The following SH3GL2 variants were observed in gnomAD, a reference collection of about 807,000 sequenced individuals.
The protein encoded by SH3GL2 is endophilin-A1.
Under a neutral mutation model 46.0 loss-of-function variants are expected in SH3GL2, and 24 were observed. The ratio of observed to expected loss-of-function variants is 0.52; its 90% CI spans 0.38 to 0.73. The LOEUF (loss-of-function observed/expected upper bound fraction) is 0.73, where lower values mean the gene tolerates loss of function less well. Ranked by LOEUF, SH3GL2 falls within the 30% of genes least tolerant of loss-of-function variation. The pLI, the probability that SH3GL2 is intolerant of heterozygous loss-of-function variation, is 0.00. For synonymous variants in SH3GL2, 196 were observed against 147.1 expected (o/e 1.33, Z -2.40); for missense variants, 413 against 424.2 (o/e 0.97, Z 0.23).
intron 1 of SH3GL2, among the ~76,000 whole-genome samples, chr9:17,731,455 G>T (rs1402415803): frequency 2.0e-5 from 3 of 150,666 alleles, no homozygotes; most frequent in Admixed American, 2.0e-4. Context: ...GAGAGAGACA[G>T]ACAGAGAGAG....
At chr9:17,656,923 A>T (rs1032089932) in intron 1 of SH3GL2, among the ~76,000 whole-genome samples, 3 of 152,188 alleles carry the variant, frequency 2.0e-5, no homozygotes, top group African/African-American at 7.2e-5. Flanking sequence ...AGTGAAGATT[A>T]AAAAAGTGAT....
chr9:17,708,619 G>A (rs1821537517), intron 1 of SH3GL2, among the ~76,000 whole-genome samples: 2 of 151,932 alleles, frequency 1.3e-5, no homozygotes, highest in African/African-American at 4.8e-5. Context: ...CTGGTCAGGT[G>A]TCTCTAGTGG....
chr9:17,651,314 T>G (rs1819953459), intron 1 of SH3GL2, among the ~76,000 whole-genome samples: 1 of 152,196 alleles, frequency 6.6e-6, no homozygotes, highest in African/African-American at 2.4e-5. Context: ...TTTGACATCT[T>G]TAAAATGTTG....
Position 17,789,456 on chromosome 9 carries a change from A to G in SH3GL2, c.530A>G (p.Lys177Arg). The G allele has an allele frequency of 1.9e-6, 3 of 1,613,594 alleles. No homozygotes were observed. The highest frequency in any genetic ancestry group is 2.2e-5 in the South Asian group (2 of 91,070). ...DFDYKKKRQGKIPDEELRQAL... is the reference protein window; with the variant it reads ...DFDYKKKRQGRIPDEELRQAL... Reference sequence around the variant, plus strand: ...GATTATAAGAAGAAACGACAAGGCAAGATTCCGGATGAAGAGCTTCGTCAA... The same window carrying G: ...GATTATAAGAAGAAACGACAAGGCAGGATTCCGGATGAAGAGCTTCGTCAA... The change falls in exon 6 of 9, where the codon AAG (lysine) becomes AGG (arginine). Residue 177 changes from lysine (K) to arginine (R), a missense_variant. This residue lies in a region of SH3GL2 where 248 missense variants were observed against 215.0 expected (regional missense o/e 1.15). Coordinates refer to ENST00000380607, the MANE Select transcript of SH3GL2 (RefSeq NM_003026.5).
intron 1 of SH3GL2, among the ~76,000 whole-genome samples, chr9:17,714,212 C>A (rs1418522952): frequency 6.6e-6 from 1 of 151,574 alleles, no homozygotes; most frequent in Non-Finnish European, 1.5e-5. Context: ...TTTTTCCATT[C>A]TATTACCTTT....
chr9:17,792,563 C>G (rs902543242), intron 7 of SH3GL2, among the ~76,000 whole-genome samples: 1 of 152,088 alleles, frequency 6.6e-6, no homozygotes, highest in South Asian at 2.1e-4. Context: ...TTTGTCTTCC[C>G]TCTTTCCTTT....
At chr9:17,631,513 T>C (rs949536546) in intron 1 of SH3GL2, among the ~76,000 whole-genome samples, 2 of 152,164 alleles carry the variant, frequency 1.3e-5, no homozygotes, top group African/African-American at 4.8e-5. Flanking sequence ...ATGGAAAATA[T>C]AAGGACTCAA....
chr9:17,686,801 A>AG (rs1459540554), intron 1 of SH3GL2, among the ~76,000 whole-genome samples: 25 of 73,312 alleles, frequency 3.4e-4, no homozygotes, highest in African/African-American at 1.3e-3. Context: ...GGGTGGGGGG[A>AG]GGGGGGAGGG....
intron 1 of SH3GL2, among the ~76,000 whole-genome samples, chr9:17,602,364 G>T (rs943256278): frequency 6.6e-6 from 1 of 152,192 alleles, no homozygotes; most frequent in Admixed American, 6.5e-5. Flanking sequence ...TCAGTTCATT[G>T]TCAGTTTAAT....
At position 17,787,459 on chromosome 9, in the gene SH3GL2, G is replaced by A; in HGVS notation, c.411G>A (p.Gln137=). Residue 137 remains glutamine, a synonymous_variant, in exon 5 of 9, where the codon CAG becomes CAA. Transcript: ENST00000380607. ...VKDSLDIEVK[Q]NFIDPLQNLH... is the part of the protein sequence containing the mutation. The stretch of plus-strand genomic sequence containing the variant: ...ACTCTTTGGACATAGAAGTGAAGCA[G>A]AACTTCATTGACCCTCTTCAGAATC... The A allele has an allele frequency of 6.2e-7, 1 of 1,612,488 alleles. No individual in the cohort carries two copies. The highest frequency in any genetic ancestry group is 8.5e-7 in the Non-Finnish European group (1 of 1,178,624).
At chr9:17,683,688 A>C (rs1232933507) in intron 1 of SH3GL2, among the ~76,000 whole-genome samples, 1 of 152,090 alleles carries the variant, frequency 6.6e-6, no homozygotes, top group Non-Finnish European at 1.5e-5. Context: ...GCTCAGAGTA[A>C]GAAATGCTGA....
intron 2 of SH3GL2, among the ~76,000 whole-genome samples, chr9:17,758,250 T>C (rs998565118): frequency 2.0e-5 from 3 of 152,018 alleles, no homozygotes; most frequent in African/African-American, 7.2e-5. Flanking sequence ...ATGAAGTCTA[T>C]CAAGTAATTA....
At chr9:17,722,580 G>A (rs1408899818) in intron 1 of SH3GL2, among the ~76,000 whole-genome samples, 2 of 151,752 alleles carry the variant, frequency 1.3e-5, no homozygotes, top group African/African-American at 2.4e-5. Context: ...CAGTGTGCAG[G>A]TTAGTTACAT....
chr9:17,651,065 T>C (rs140926256), intron 1 of SH3GL2, among the ~76,000 whole-genome samples: 22 of 152,270 alleles, frequency 1.4e-4, no homozygotes, highest in African/African-American at 5.3e-4. Flanking sequence ...CTATTTTGTT[T>C]CTTGGCTTTG....
chr9:17,734,341 G>A (rs554228010), intron 1 of SH3GL2, among the ~76,000 whole-genome samples: 1 of 152,082 alleles, frequency 6.6e-6, no homozygotes, highest in Non-Finnish European at 1.5e-5. Flanking sequence ...TAGGTAACAG[G>A]ACAAATATTG....
chr9:17,702,958 A>G (rs1269498133), intron 1 of SH3GL2, among the ~76,000 whole-genome samples: 1 of 151,976 alleles, frequency 6.6e-6, no homozygotes, highest in Non-Finnish European at 1.5e-5. Context: ...TTAATCCTGG[A>G]TCTTGCTCTG....
At chr9:17,756,313 T>C (rs1320051130) in intron 2 of SH3GL2, among the ~76,000 whole-genome samples, 1 of 152,118 alleles carries the variant, frequency 6.6e-6, no homozygotes, top group African/African-American at 2.4e-5. Context: ...TTCACTTTCT[T>C]TTTTTTATTT....
chr9:17,621,718 G>T (rs911471463), intron 1 of SH3GL2, among the ~76,000 whole-genome samples: 1 of 152,186 alleles, frequency 6.6e-6, no homozygotes, highest in African/African-American at 2.4e-5. Context: ...GTGTTCTTCA[G>T]TGTGCACATT....
At chr9:17,643,834 A>T (rs774034806) in intron 1 of SH3GL2, among the ~76,000 whole-genome samples, 1 of 152,180 alleles carries the variant, frequency 6.6e-6, no homozygotes, top group Non-Finnish European at 1.5e-5. Flanking sequence ...TATCAGGATG[A>T]TGCTGGCCTC....
Sources: allele counts gnomAD v4.1 joint callset (sites outside exome capture counted in the v4.1 genomes callset), GRCh38; gene constraint gnomAD v4.1.1; regional missense constraint gnomAD v4.1.1; transcripts MANE v1.5; gene names NCBI Gene and HGNC (gene_info 2026-07-23, HGNC 2026-07-21).